Variants in SH2D4B observed in about 807,000 individuals in gnomAD.
SH2D4B encodes the protein SH2 domain containing 4B.
Under a neutral mutation model 61.5 loss-of-function variants are expected in SH2D4B, and 45 were observed. The ratio of observed to expected loss-of-function variants is 0.73; its 90% CI spans 0.58 to 0.94. SH2D4B has a LOEUF of 0.94. Among genes scored for constraint, SH2D4B ranks in the 40% least tolerant of loss-of-function variants. SH2D4B has a pLI of 0.00. For synonymous variants in SH2D4B, 224 were observed against 220.4 expected, an observed-to-expected ratio of 1.02 and a Z score of -0.14; for missense variants, 572 against 574.2, an observed-to-expected ratio of 1.00 and a Z score of 0.04.
chr10:80,550,511 G>A (rs1259946676), intron 1 of SH2D4B, among the ~76,000 whole-genome samples: 1 of 152,032 alleles, frequency 6.6e-6, no homozygotes, highest in Non-Finnish European at 1.5e-5. Flanking sequence ...GGAGAATGGC[G>A]TGAACCCAGG....
At position 80,568,997 on chromosome 10, in the gene SH2D4B, C is replaced by A. The variant is rs141148026; in HGVS notation, c.185-1157C>A. ...TAGCCTGTTAAACATCGCTCACCACCCAACTGCTAAGGCAGTAACACAGTT... is the reference window on the plus strand; with the variant it reads ...TAGCCTGTTAAACATCGCTCACCACACAACTGCTAAGGCAGTAACACAGTT... On this transcript the variant is annotated intron_variant, in intron 1 of 7. Coordinates refer to ENST00000646907, the MANE Select transcript of SH2D4B (RefSeq NM_001388272.1). 7.9e-3 allele frequency among the ~76,000 whole-genome samples: 1,198 copies of A among 152,326 alleles called. 10 individuals carry two copies. Among genetic ancestry groups the A allele is most frequent in the Non-Finnish European group, 0.012 (846 of 68,040 alleles).
chr10:80,586,135 G>A (rs1245108484), intron 3 of SH2D4B, among the ~76,000 whole-genome samples: 1 of 152,170 alleles, frequency 6.6e-6, no homozygotes, highest in Non-Finnish European at 1.5e-5. Flanking sequence ...GGGACCTGCA[G>A]CTTGCCATGC....
intron 5 of SH2D4B, among the ~76,000 whole-genome samples, chr10:80,604,131 C>T (rs184408917): frequency 2.0e-5 from 3 of 152,300 alleles, no homozygotes; most frequent in Non-Finnish European, 2.9e-5. Context: ...TAAGGGCCTC[C>T]GGCTAAGAAC....
chr10:80,562,753 G>A (rs1841915871), intron 1 of SH2D4B, among the ~76,000 whole-genome samples: 1 of 151,994 alleles, frequency 6.6e-6, no homozygotes, highest in East Asian at 1.9e-4. Flanking sequence ...CAGCGTAAAA[G>A]GCTCCCTTTT....
In SH2D4B at chr10:80,538,478, C is replaced by A; in HGVS notation, c.147C>A (p.Ala49=). The A allele has an allele frequency of 6.9e-7, 1 of 1,455,534 alleles. No individual in the cohort carries two copies. The highest frequency in any genetic ancestry group is 9.1e-7 in the Non-Finnish European group (1 of 1,103,590). The allele number at this position is 1,455,534 out of a possible 1,614,324, so 90.2% of individuals were successfully genotyped here. The change falls in exon 1 of 8, where the codon GCC becomes GCA. Residue 49 remains alanine (A), a synonymous_variant. Transcript: ENST00000646907. This position sits in a 1 kb window ranked among gnomAD's most constrained non-coding sequence, Gnocchi z 4.8. ...AGCGGGAGACTTGGGAGGCCCTGGC[C>A]CAGGACGAGGGTCTCAGGCCTCCAA... ...WKERETWEAL[A]QDEGLRPPKT... is the part of the protein sequence containing the mutation.
chr10:80,623,104 G>A (rs934601199), intron 6 of SH2D4B, among the ~76,000 whole-genome samples: 1 of 152,088 alleles, frequency 6.6e-6, no homozygotes, highest in Admixed American at 6.5e-5. Flanking sequence ...TAGTAGAGAC[G>A]GCGTTTTGCC....
intron 3 of SH2D4B, among the ~76,000 whole-genome samples, chr10:80,574,490 A>C (rs1842100592): frequency 1.3e-5 from 2 of 152,106 alleles, no homozygotes; most frequent in Non-Finnish European, 2.9e-5. Flanking sequence ...TGCTATTGTG[A>C]ATAAGATTGT....
At chr10:80,566,303 T>C (rs1461835418) in intron 1 of SH2D4B, among the ~76,000 whole-genome samples, 1 of 150,054 alleles carries the variant, frequency 6.7e-6, no homozygotes, top group Non-Finnish European at 1.5e-5. Flanking sequence ...ATTTCTTTTT[T>C]TTTTTTTTTT....
intron 1 of SH2D4B, among the ~76,000 whole-genome samples, chr10:80,546,032 C>T (rs112179677): frequency 1.5e-3 from 221 of 148,640 alleles, no homozygotes; most frequent in Non-Finnish European, 2.2e-3. Flanking sequence ...CTCTTTCTTT[C>T]TTTCTCTCTC....
At chr10:80,587,739 C>T (rs1842277200) in intron 3 of SH2D4B, among the ~76,000 whole-genome samples, 1 of 152,182 alleles carries the variant, frequency 6.6e-6, no homozygotes, top group Admixed American at 6.5e-5. Flanking sequence ...CATTCCCCGT[C>T]TCCCTGTCTC....
chr10:80,571,319 C>T (rs577928628), intron 2 of SH2D4B, 112 bp from the exon 3 acceptor site: 4 of 1,282,782 alleles, frequency 3.1e-6, no homozygotes, highest in East Asian at 2.4e-5. Flanking sequence ...TTGCCAACAC[C>T]GAATTCTGAT....
chr10:80,616,453 C>T (rs1842661783), intron 6 of SH2D4B, among the ~76,000 whole-genome samples: 1 of 152,134 alleles, frequency 6.6e-6, no homozygotes, highest in Non-Finnish European at 1.5e-5. Context: ...ATCTAGTCTC[C>T]AAAAGAGACT....
At position 80,631,948 on chromosome 10, in the gene SH2D4B, G is replaced by GT. The variant is rs1294300967; in HGVS notation, c.989-2334dup. ...AAAATTGCCAAGAGAGTTTTTGTTT[G>GT]TTTGTTTGAGACGGGGTCTTGCTCT... is the stretch of plus-strand genomic sequence containing the variant. On this transcript the variant is annotated intron_variant, in intron 6 of 7. Coordinates refer to ENST00000646907, the MANE Select transcript of SH2D4B (RefSeq NM_001388272.1). Among the ~76,000 whole-genome samples, 3 of 152,112 alleles carry GT rather than the reference G, an allele frequency of 2.0e-5. No homozygotes were observed. The South Asian group carries it at 6.2e-4, about 31-fold the overall frequency.
At chr10:80,586,105 C>T (rs968307476) in intron 3 of SH2D4B, among the ~76,000 whole-genome samples, 2 of 152,202 alleles carry the variant, frequency 1.3e-5, no homozygotes, top group Non-Finnish European at 2.9e-5. Context: ...CCTTAGCTGC[C>T]TCCCCGTGGG....
At chr10:80,571,350 A>G (rs1842039697) in intron 2 of SH2D4B, 81 bp from the exon 3 acceptor site, 5 of 1,492,240 alleles carry the variant, frequency 3.4e-6, no homozygotes, top group Non-Finnish European at 4.5e-6. Flanking sequence ...AAAATTGCTC[A>G]TTGTTTTTAT....
chr10:80,572,971 TATATATA>T (rs1842073446), intron 3 of SH2D4B, among the ~76,000 whole-genome samples: 2 of 9,580 alleles, frequency 2.1e-4, no homozygotes, highest in African/African-American at 1.0e-3. Flanking sequence ...TATATATATA[TATATATA>T]TATATATATT....
chr10:80,572,776 T>A (rs1208565416), intron 3 of SH2D4B, among the ~76,000 whole-genome samples: 2 of 149,666 alleles, frequency 1.3e-5, no homozygotes, highest in Non-Finnish European at 3.0e-5. Context: ...TGCATCACCA[T>A]GCCCGGCTAA....
At position 80,538,381 on chromosome 10, in the gene SH2D4B, C is replaced by A; in HGVS notation, c.50C>A (p.Ala17Asp). ...HDMYIDPELLAELSDVQKHIL... is the reference protein window; with the variant it reads ...HDMYIDPELLDELSDVQKHIL... Reference sequence around the variant, plus strand: ...ATGTACATCGACCCCGAGCTCCTTGCCGAGCTCAGCGATGTGCAGAAGCAC... The same window carrying A: ...ATGTACATCGACCCCGAGCTCCTTGACGAGCTCAGCGATGTGCAGAAGCAC... Residue 17 changes from alanine to aspartate, a missense_variant, in exon 1 of 8, where the codon GCC becomes GAC. Transcript: ENST00000646907. The surrounding 1 kb of genome is among the most constrained non-coding windows in gnomAD (Gnocchi z 4.8). 1 of 1,421,776 alleles carries A rather than the reference C, an allele frequency of 7.0e-7. No homozygotes were observed. The highest frequency in any genetic ancestry group is 3.2e-5 in the Admixed American group (1 of 31,594). 88.1% of individuals were successfully genotyped at this position (1,421,776 alleles called of 1,614,324 possible). A position where few individuals can be genotyped will look rare whatever the true frequency, so the allele number is the denominator to read the frequency against.
At chr10:80,638,672 T>C (rs534341324) in intron 7 of SH2D4B, among the ~76,000 whole-genome samples, 4 of 152,344 alleles carry the variant, frequency 2.6e-5, no homozygotes, top group Non-Finnish European at 1.5e-5. Flanking sequence ...TTGATTATTC[T>C]CTCTTTTCTT....
Sources: gnomAD v4.1 joint callset for allele counts (sites outside exome capture counted in the v4.1 genomes callset) on GRCh38, gnomAD v4.1.1 for gene constraint, Gnocchi (gnomAD v3.1) non-coding constraint, MANE v1.5 for transcripts, NCBI Gene and HGNC (gene_info 2026-07-23, HGNC 2026-07-21) for gene names.